NRG2: variants seen among roughly 807,000 people sequenced by gnomAD.
NRG2 encodes pro-neuregulin-2, membrane-bound isoform.
A neutral mutation model predicts 73.9 loss-of-function variants in NRG2; 27 were observed. That is an observed-to-expected ratio of 0.37 (90% CI 0.27 to 0.50). The LOEUF (loss-of-function observed/expected upper bound fraction) is 0.50, where lower values mean the gene tolerates loss of function less well. Among genes scored for constraint, NRG2 ranks in the 20% least tolerant of loss-of-function variants. NRG2 has a pLI of 0.96. For missense variants in NRG2, 1,126 were observed against 1,210.1 expected, an observed-to-expected ratio of 0.93 and a Z score of 1.03; for synonymous variants, 532 against 541.0, an observed-to-expected ratio of 0.98 and a Z score of 0.23.
chr5:139,890,905 T>C (rs979289685), intron 1 of NRG2, among the ~76,000 whole-genome samples: 5 of 152,218 alleles, frequency 3.3e-5, no homozygotes, highest in African/African-American at 1.2e-4. Flanking sequence ...TGTGCTAAGA[T>C]TGGGTTGACA....
In NRG2 at chr5:139,892,244, C is replaced by G. The variant is rs1306057847; in HGVS notation, c.701-4733G>C. On this transcript the variant is annotated intron_variant, in intron 1 of 9. Transcript: ENST00000361474. ...CACATCCGCACTCCTGGGCCTAGAG[C>G]CCTGCCAGGTTTTCTGTGGCAAAGA... is the stretch of plus-strand genomic sequence containing the variant. Among the ~76,000 whole-genome samples, 3 of 152,308 alleles carry G rather than the reference C, an allele frequency of 2.0e-5. No homozygotes were observed. The East Asian group carries it at 5.8e-4, about 29-fold the overall frequency.
intron 5 of NRG2, among the ~76,000 whole-genome samples, chr5:139,858,818 A>G (rs867842279): frequency 2.0e-5 from 3 of 152,144 alleles, no homozygotes; most frequent in Admixed American, 1.3e-4. Flanking sequence ...CACAGACCCC[A>G]CACGGACTCA....
At chr5:139,931,570 A>G (rs1261190601) in intron 1 of NRG2, among the ~76,000 whole-genome samples, 1 of 152,236 alleles carries the variant, frequency 6.6e-6, no homozygotes, top group Non-Finnish European at 1.5e-5. Flanking sequence ...AAGGAACTCC[A>G]ACTGGATCCA....
chr5:139,912,767 A>G (rs188695761), intron 1 of NRG2, among the ~76,000 whole-genome samples: 28 of 152,332 alleles, frequency 1.8e-4, no homozygotes, highest in African/African-American at 5.3e-4. Context: ...GGAAACCTGA[A>G]TTATCCTTTT....
chr5:139,964,013 G>T (rs185515326), intron 1 of NRG2, among the ~76,000 whole-genome samples: 1 of 152,130 alleles, frequency 6.6e-6, no homozygotes, highest in African/African-American at 2.4e-5. Flanking sequence ...AGGGGGCTCT[G>T]TTCCATGAAC....
chr5:139,883,555 C>T (rs951080182), intron 2 of NRG2, among the ~76,000 whole-genome samples: 5 of 152,036 alleles, frequency 3.3e-5, no homozygotes, highest in African/African-American at 4.8e-5. Context: ...GAGTGCGGCC[C>T]GGGCAGGGAG....
intron 5 of NRG2, among the ~76,000 whole-genome samples, chr5:139,864,123 A>C (rs912807354): frequency 6.6e-5 from 10 of 152,130 alleles, no homozygotes; most frequent in African/African-American, 2.4e-4. Context: ...TCCCTGGAGA[A>C]GAGGAGGTCG....
At chr5:139,890,294 C>T (rs1027772781) in intron 1 of NRG2, among the ~76,000 whole-genome samples, 2 of 152,104 alleles carry the variant, frequency 1.3e-5, no homozygotes, top group Non-Finnish European at 2.9e-5. Context: ...ATTGCCTGTT[C>T]ATGCATGCAG....
chr5:140,042,485 G>C lies in NRG2; in HGVS notation c.585C>G (p.Ile195Met). 1 of 1,613,798 alleles carries C rather than the reference G, an allele frequency of 6.2e-7. No individual in the cohort carries two copies. The highest frequency in any genetic ancestry group is 1.7e-5 in the Admixed American group (1 of 60,000). Residue 195 changes from isoleucine (I) to methionine (M), a missense_variant, in exon 1 of 10, where the codon ATC becomes ATG. Physicochemically the swap from Ile to Met is conservative, Grantham distance 10 (BLOSUM62 1). Coordinates refer to ENST00000361474, the MANE Select transcript of NRG2 (RefSeq NM_004883.3). ...CVPLERNQRY[I>M]FFLEPTEQPL... Reference sequence around the variant, plus strand: ...GCTGTTCCGTGGGCTCCAGGAAAAAGATGTAGCGCTGGTTCCTTTCGAGCG... The same window carrying C: ...GCTGTTCCGTGGGCTCCAGGAAAAACATGTAGCGCTGGTTCCTTTCGAGCG...
Position 139,853,136 on chromosome 5 carries a change from A to G in NRG2, c.1293-109T>C, listed in dbSNP as rs1365923498. 1 of 1,475,494 alleles carries G rather than the reference A, an allele frequency of 6.8e-7. No homozygotes were observed. Among genetic ancestry groups the G allele is most frequent in the Non-Finnish European group, 9.2e-7 (1 of 1,081,740 alleles). 91.4% of individuals were successfully genotyped at this position (1,475,494 alleles called of 1,614,324 possible). On this transcript the variant is annotated intron_variant, in intron 6 of 9. Transcript: ENST00000361474. This position sits in a 1 kb window ranked among gnomAD's most constrained non-coding sequence, Gnocchi z 4.1. ...GCTTTTCCTCCTGCCCAGGGTGGCC[A>G]TGGCTACTGCTCGTCCCTGTACTCA...
At chr5:139,919,644 G>C (rs1040324960) in intron 1 of NRG2, among the ~76,000 whole-genome samples, 1 of 152,126 alleles carries the variant, frequency 6.6e-6, no homozygotes, top group Non-Finnish European at 1.5e-5. Flanking sequence ...GCTCACAATT[G>C]CCAGACTAAT....
At chr5:139,867,664 TGC>T in intron 4 of NRG2, among the ~76,000 whole-genome samples, 1 of 152,134 alleles carries the variant, frequency 6.6e-6, no homozygotes, top group South Asian at 2.1e-4. Flanking sequence ...CCCAGGAAGT[TGC>T]CAAATGACTC....
At chr5:140,019,968 G>A (rs971574644) in intron 1 of NRG2, among the ~76,000 whole-genome samples, 1 of 152,130 alleles carries the variant, frequency 6.6e-6, no homozygotes, top group Non-Finnish European at 1.5e-5. Flanking sequence ...TGGCCAGGCT[G>A]GTCTCAAACT....
intron 3 of NRG2, among the ~76,000 whole-genome samples, chr5:139,874,797 C>T (rs1327543508): frequency 6.6e-6 from 1 of 152,194 alleles, no homozygotes; most frequent in Non-Finnish European, 1.5e-5. Flanking sequence ...CATCTTTCTC[C>T]TTCAGTATAT....
chr5:139,968,094 C>T (rs1437541179), intron 1 of NRG2, among the ~76,000 whole-genome samples: 6 of 152,208 alleles, frequency 3.9e-5, no homozygotes, highest in African/African-American at 1.4e-4. Context: ...ACCCCCAAGG[C>T]CTCTGAGGGA....
rs549651880 is a variant in NRG2, at chr5:140,008,340, T to C, written c.700+34030A>G. ...GCTATCGCTGGCCCCTTTTACTGGA[T>C]AGCTGACCACACAACTGTTTGCTGC... On this transcript the variant is annotated intron_variant, in intron 1 of 9. Transcript: ENST00000361474. The surrounding 1 kb of genome is among the most constrained non-coding windows in gnomAD (Gnocchi z 4.2). Among the ~76,000 whole-genome samples the C allele has an allele frequency of 2.2e-4, 33 of 152,330 alleles. No homozygotes were observed. Among genetic ancestry groups the C allele is most frequent in the African/African-American group, 7.9e-4 (33 of 41,580 alleles).
rs922635757 is a variant in NRG2, at chr5:139,907,812, C to T, written c.701-20301G>A. On this transcript the variant is annotated intron_variant, in intron 1 of 9. Transcript: ENST00000361474. Reference sequence around the variant, plus strand: ...CAGATGAGTGGGATACGACAAAGATCTAGGGGGAGCATTCCCTGGGCACCT... The same window carrying T: ...CAGATGAGTGGGATACGACAAAGATTTAGGGGGAGCATTCCCTGGGCACCT... Among the ~76,000 whole-genome samples, 9 of 152,048 alleles carry T rather than the reference C, an allele frequency of 5.9e-5. No individual in the cohort carries two copies. In the South Asian group the frequency reaches 1.0e-3, roughly 18 times the overall value.
At chr5:139,874,560 CTCTT>C (rs1763056346) in intron 3 of NRG2, among the ~76,000 whole-genome samples, 1 of 152,246 alleles carries the variant, frequency 6.6e-6, no homozygotes, top group Non-Finnish European at 1.5e-5. Flanking sequence ...CCACCATTGT[CTCTT>C]TCTTTGATGG....
rs746398065 is a variant in NRG2, at chr5:139,871,841, A to C, written c.992T>G (p.Val331Gly). 1 of 1,613,840 alleles carries C rather than the reference A, an allele frequency of 6.2e-7. No individual in the cohort carries two copies. Among genetic ancestry groups the C allele is most frequent in the Non-Finnish European group, 8.5e-7 (1 of 1,179,862 alleles). ...TVRGRLYVNS[V>G]STTLSSWSGH... ...CGACCAGGATGACAGGGTGGTGCTC[A>C]CTGAGGGTATGAGAGACATGTGCCA... is the stretch of plus-strand genomic sequence containing the variant. The change falls in exon 4 of 10, where the codon GTG becomes GGG. Residue 331 changes from valine (V) to glycine (G), a missense_variant and splice_region_variant. Val to Gly is a moderately radical substitution (Grantham distance 109). Transcript: ENST00000361474.
Sources: gnomAD v4.1 joint callset for allele counts (sites outside exome capture counted in the v4.1 genomes callset) on GRCh38, gnomAD v4.1.1 for gene constraint, Gnocchi (gnomAD v3.1) non-coding constraint, MANE v1.5 for transcripts, NCBI Gene and HGNC (gene_info 2026-07-23, HGNC 2026-07-21) for gene names.